The following PCGF1 variants were observed in gnomAD, a reference collection of about 807,000 sequenced individuals.
The protein encoded by PCGF1 is polycomb group RING finger protein 1.
A neutral mutation model predicts 38.8 loss-of-function variants in PCGF1; 10 were observed. That is an observed-to-expected ratio of 0.26 (90% CI 0.16 to 0.44). The LOEUF is 0.44. Among genes scored for constraint, PCGF1 ranks in the 20% least tolerant of loss-of-function variants. The pLI is 1.00. For synonymous variants in PCGF1, 119 were observed against 121.3 expected (o/e 0.98, Z 0.12); for missense variants, 230 against 331.5 (o/e 0.69, Z 2.38).
Position 74,505,536 on chromosome 2 carries a change from C to G in PCGF1, c.651+16G>C. 4 of 1,614,056 alleles carry G rather than the reference C, an allele frequency of 2.5e-6. No homozygotes were observed. The highest frequency in any genetic ancestry group is 2.5e-6 in the Non-Finnish European group (3 of 1,179,906). On this transcript the variant is annotated intron_variant, in intron 7 of 8. Coordinates refer to ENST00000233630, the MANE Select transcript of PCGF1 (RefSeq NM_032673.3). ...CCCCTTCTCCCCCTCAAGAAACCTACTGTGGGACTACTCACATGCTGAGGG... is the reference window on the plus strand; with the variant it reads ...CCCCTTCTCCCCCTCAAGAAACCTAGTGTGGGACTACTCACATGCTGAGGG...
rs1170998275 is a variant in PCGF1 at position 74,506,521 on chromosome 2, T to C, written c.352+211A>G. The stretch of plus-strand genomic sequence containing the variant: ...TGAATCCAGGAGGTGGAGCTTGCAG[T>C]GAGCTGAGATTGCGCCACTGCACTC... On this transcript the variant is annotated intron_variant, in intron 3 of 8. Coordinates refer to ENST00000233630, the MANE Select transcript of PCGF1 (RefSeq NM_032673.3). The C allele has an allele frequency of 1.3e-5, 8 of 631,746 alleles. No homozygotes were observed. The East Asian group carries it at 2.2e-4, about 18-fold the overall frequency. 39.1% of individuals were successfully genotyped at this position (631,746 alleles called of 1,614,324 possible).
chr2:74,505,483 A>G, intron 7 of PCGF1, 64 bp from the exon 8 acceptor site: 1 of 1,609,266 alleles, frequency 6.2e-7, no homozygotes, highest in Non-Finnish European at 8.5e-7. Flanking sequence ...ACCCTGGTCC[A>G]CCCTAGACTC....
intron 6 of PCGF1, 46 bp from the exon 7 acceptor site, chr2:74,505,684 G>C (rs1469750420): frequency 6.2e-7 from 1 of 1,614,028 alleles, no homozygotes; most frequent in Non-Finnish European, 8.5e-7. Context: ...TGTGAGGGAA[G>C]GACCATGGGA....
chr2:74,506,481 G>C, intron 3 of PCGF1: 1 of 611,998 alleles, frequency 1.6e-6, no homozygotes, highest in Non-Finnish European at 2.8e-6. Context: ...AGGAGGCTGA[G>C]GCAGGAGAAT....
rs200678431 is a variant in PCGF1 at position 74,505,977 on chromosome 2, A to G, written c.505T>C (p.Leu169=). The change falls in exon 5 of 9, where the codon TTG becomes CTG. Residue 169 remains leucine (L), a synonymous_variant. Transcript: ENST00000233630. ...KAHYYRYDEQ[L]NLCLERLSSG... is the part of the protein sequence containing the mutation. ...CTCAGCCGCTCCAGGCACAGGTTCA[A>G]CTGCTCATCATAGCGATAGTAGTGG... The G allele has an allele frequency of 1.9e-6, 3 of 1,614,156 alleles. No homozygotes were observed. The South Asian group carries it at 3.3e-5, about 18-fold the overall frequency.
At chr2:74,507,422 G>A (rs1015002016) in intron 1 of PCGF1, 154 bp downstream of exon 1, 2 of 1,462,176 alleles carry the variant, frequency 1.4e-6, no homozygotes, top group African/African-American at 1.4e-5. Context: ...CGTCCTAACC[G>A]GAGTTTGGCA....
rs939122852 is a variant in PCGF1 at position 74,507,440 on chromosome 2, C to A, written c.93+136G>T. 6 of 1,466,532 alleles carry A rather than the reference C, an allele frequency of 4.1e-6. No homozygotes were observed. The East Asian group carries it at 9.9e-5, about 24-fold the overall frequency. 90.8% of individuals were successfully genotyped at this position (1,466,532 alleles called of 1,614,324 possible). On this transcript the variant is annotated intron_variant, in intron 1 of 8. Transcript: ENST00000233630. ...CCTAACCGGAGTTTGGCAACCCGAT[C>A]GCAACCACGCAGGCGCACTGGGCAC...
At chr2:74,507,325 C>T (rs1287964836) in intron 1 of PCGF1, 178 bp from the exon 2 acceptor site, 28 of 1,458,342 alleles carry the variant, frequency 1.9e-5, no homozygotes, top group Middle Eastern at 2.5e-4. Context: ...GAGGGCTCCG[C>T]GCACAGCGGG....
intron 3 of PCGF1, 90 bp downstream of exon 3, chr2:74,506,642 C>A: frequency 7.0e-7 from 1 of 1,428,446 alleles, no homozygotes; most frequent in Non-Finnish European, 9.9e-7. Context: ...TGGCCTTCTG[C>A]CTACGTGAGT....
chr2:74,506,274 G>A (rs780113960), intron 3 of PCGF1, 22 bp from the exon 4 acceptor site: 11 of 1,612,306 alleles, frequency 6.8e-6, no homozygotes, highest in South Asian at 1.1e-5. Context: ...TGAAGTATGA[G>A]AATAAAGTAT....
chr2:74,507,270 C>A, intron 1 of PCGF1, 123 bp from the exon 2 acceptor site: 1 of 1,482,400 alleles, frequency 6.7e-7, no homozygotes, highest in Non-Finnish European at 9.0e-7. Flanking sequence ...GCGCCATCAG[C>A]CGGGGATTAG....
chr2:74,506,488 G>A (rs907634593), intron 3 of PCGF1: 35 of 610,916 alleles, frequency 5.7e-5, no homozygotes, highest in Non-Finnish European at 9.1e-5. Context: ...TGAGGCAGGA[G>A]AATGGCATGA....
chr2:74,507,197 G>A lies in PCGF1; in HGVS notation c.94-50C>T, dbSNP rs368170536. On this transcript the variant is annotated intron_variant, in intron 1 of 8. Coordinates refer to ENST00000233630, the MANE Select transcript of PCGF1 (RefSeq NM_032673.3). Reference sequence around the variant, plus strand: ...ATCATCCACCCTCAAACCCCAACCCGTGCGCCTTCCCACCTTGGGGGTCGC... The same window carrying A: ...ATCATCCACCCTCAAACCCCAACCCATGCGCCTTCCCACCTTGGGGGTCGC... The A allele has an allele frequency of 1.1e-3, 1,670 of 1,577,686 alleles. 1 individual carries two copies. Among genetic ancestry groups the A allele is most frequent in the Non-Finnish European group, 1.3e-3 (1,549 of 1,154,058 alleles).
intron 1 of PCGF1, 106 bp from the exon 2 acceptor site, chr2:74,507,253 G>A: frequency 6.7e-7 from 1 of 1,484,956 alleles, no homozygotes; most frequent in Non-Finnish European, 9.1e-7. Flanking sequence ...GCCAAGCCCC[G>A]CGCCCTGCGC....
intron 7 of PCGF1, 65 bp from the exon 8 acceptor site, chr2:74,505,484 C>T (rs945015909): frequency 6.2e-7 from 1 of 1,609,740 alleles, no homozygotes; most frequent in Non-Finnish European, 8.5e-7. Flanking sequence ...CCCTGGTCCA[C>T]CCTAGACTCT....
rs768154360 is a variant in PCGF1, at chr2:74,505,415, T to A, written c.656A>T (p.Gln219Leu). 4 of 1,609,468 alleles carry A rather than the reference T, an allele frequency of 2.5e-6. No individual in the cohort carries two copies. In the African/African-American group the frequency reaches 4.0e-5, roughly 16 times the overall value. The change falls in exon 8 of 9, where the codon CAG (glutamine) becomes CTG (leucine). Residue 219 changes from glutamine (Q) to leucine (L), a missense_variant. Physicochemically the swap from Gln to Leu is moderately radical, Grantham distance 113. Around this residue, in one of 3 missense-constraint regions of PCGF1, gnomAD observed 144 missense variants for 182.4 expected, o/e 0.79. Transcript: ENST00000233630. The part of the protein sequence containing the change: ...HRLMLNPQHV[Q>L]LLFDNEVLPD... ...GAGAACTTCATTGTCAAAAAGGAGC[T>A]GCACCTAGGAGGGAGATGGGGGCAT...
At position 74,505,393 on chromosome 2, in the gene PCGF1, A is replaced by G; in HGVS notation, c.678T>C (p.Val226=). 6.2e-7 allele frequency: 1 copy of G among 1,610,672 alleles called. No individual in the cohort carries two copies. The highest frequency in any genetic ancestry group is 1.1e-5 in the South Asian group (1 of 90,568). Residue 226 remains valine (V), a synonymous_variant, in exon 8 of 9, where the codon GTT becomes GTC. Coordinates refer to ENST00000233630, the MANE Select transcript of PCGF1 (RefSeq NM_032673.3). Reference sequence around the variant, plus strand: ...GCTTCATTGTCATGTGATCAGGGAGAACTTCATTGTCAAAAAGGAGCTGCA... The same window carrying G: ...GCTTCATTGTCATGTGATCAGGGAGGACTTCATTGTCAAAAAGGAGCTGCA... ...QHVQLLFDNE[V]LPDHMTMKQI...
rs149582140 is a variant in PCGF1, at chr2:74,506,202, C to T, written c.403G>A (p.Val135Ile). 1,705 of 1,614,086 alleles carry T rather than the reference C, an allele frequency of 1.1e-3. 19 individuals are homozygous for T. The highest frequency in any genetic ancestry group is 6.6e-4 in the Middle Eastern group (4 of 6,076). Reference protein sequence around the residue: ...EFYQSRGLDRVTQPTGEEPAL... With the variant: ...EFYQSRGLDRITQPTGEEPAL... Reference sequence around the variant, plus strand: ...ATACCTTCCCCAGTGGGCTGGGTGACCCGGTCCAAACCTCGGGACTGGTAG... The same window carrying T: ...ATACCTTCCCCAGTGGGCTGGGTGATCCGGTCCAAACCTCGGGACTGGTAG... Residue 135 changes from valine (V) to isoleucine (I), a missense_variant, in exon 4 of 9, where the codon GTC becomes ATC. Transcript: ENST00000233630.
In PCGF1 at chr2:74,505,378, C is replaced by T. The variant is rs770098587; in HGVS notation, c.693G>A (p.Met231Ile). The change falls in exon 8 of 9, where the codon ATG (methionine) becomes ATA (isoleucine). Residue 231 changes from methionine to isoleucine, a missense_variant. Physicochemically the swap from Met to Ile is conservative, Grantham distance 10. This residue lies in a region of PCGF1 where 144 missense variants were observed against 182.4 expected (regional missense o/e 0.79). Coordinates refer to ENST00000233630, the MANE Select transcript of PCGF1 (RefSeq NM_032673.3). Reference sequence around the variant, plus strand: ...GGGAGAGCCATATCTGCTTCATTGTCATGTGATCAGGGAGAACTTCATTGT... The same window carrying T: ...GGGAGAGCCATATCTGCTTCATTGTTATGTGATCAGGGAGAACTTCATTGT... Reference protein sequence around the residue: ...LFDNEVLPDHMTMKQIWLSRW... With the variant: ...LFDNEVLPDHITMKQIWLSRW... The T allele has an allele frequency of 4.3e-6, 7 of 1,610,858 alleles. No individual in the cohort carries two copies. Among genetic ancestry groups the T allele is most frequent in the Non-Finnish European group, 5.9e-6 (7 of 1,178,432 alleles).
Sources: gnomAD v4.1 joint callset for allele counts on GRCh38, gnomAD v4.1.1 for gene constraint, gnomAD v4.1.1 regional missense constraint, MANE v1.5 for transcripts, NCBI Gene and HGNC (gene_info 2026-07-23, HGNC 2026-07-21) for gene names.